Variants in KCNQ1 observed in about 807,000 individuals in gnomAD.
KCNQ1 encodes potassium voltage-gated channel subfamily Q member 1, also known as potassium voltage-gated channel subfamily KQT member 1.
In KCNQ1, 49 loss-of-function variants were observed where a neutral mutation model predicts 72.4. The observed-to-expected ratio is 0.68, with a 90% CI of 0.54 to 0.86. The LOEUF (loss-of-function observed/expected upper bound fraction) is 0.86. Ranked by LOEUF, KCNQ1 falls within the 40% of genes least tolerant of loss-of-function variation. The pLI is 0.00. For synonymous variants in KCNQ1, 450 were observed against 412.6 expected, an observed-to-expected ratio of 1.09 and a Z score of -1.10; for missense variants, 790 against 945.1, an observed-to-expected ratio of 0.84 and a Z score of 2.15.
intron 11 of KCNQ1, among the ~76,000 whole-genome samples, chr11:2,714,672 C>T (rs557884753): frequency 6.6e-5 from 10 of 152,134 alleles, no homozygotes; most frequent in South Asian, 4.1e-4. Flanking sequence ...CACCTGCAAA[C>T]GCCTGGGAGG....
chr11:2,846,595 C>T (rs2134094675), intron 15 of KCNQ1, among the ~76,000 whole-genome samples: 1 of 152,314 alleles, frequency 6.6e-6, no homozygotes, highest in Admixed American at 6.5e-5. Context: ...CCCTCACCTG[C>T]CCTAGTCTGC....
At chr11:2,638,858 A>T (rs1404609111) in intron 10 of KCNQ1, 1 of 152,172 alleles carries the variant, frequency 6.6e-6, no homozygotes, top group African/African-American at 2.4e-5. Flanking sequence ...CACCAGTCAG[A>T]TGTAGATTTG....
chr11:2,665,661 T>A (rs757025036), intron 11 of KCNQ1: 14 of 397,496 alleles, frequency 3.5e-5, no homozygotes, highest in Non-Finnish European at 5.3e-5. Flanking sequence ...CAGTACCAGT[T>A]CCCTAAGCCT....
At chr11:2,805,747 G>A (rs564492364) in intron 15 of KCNQ1, among the ~76,000 whole-genome samples, 35 of 152,328 alleles carry the variant, frequency 2.3e-4, no homozygotes, top group African/African-American at 8.2e-4. Context: ...GAACCTAATT[G>A]TGTGGTCTTC....
chr11:2,761,319 C>A (rs887101198), intron 11 of KCNQ1, among the ~76,000 whole-genome samples: 2 of 152,250 alleles, frequency 1.3e-5, no homozygotes, highest in Admixed American at 6.5e-5. Flanking sequence ...GTGTTCCTCT[C>A]GACCTACCCT....
At chr11:2,518,929 G>A (rs763637604) in intron 1 of KCNQ1, among the ~76,000 whole-genome samples, 21 of 152,202 alleles carry the variant, frequency 1.4e-4, no homozygotes, top group South Asian at 2.1e-4. Context: ...GGAGCTGGAC[G>A]GGGAGGACCA....
intron 1 of KCNQ1, among the ~76,000 whole-genome samples, chr11:2,520,017 G>C (rs1379894577): frequency 6.6e-6 from 1 of 152,266 alleles, no homozygotes; most frequent in African/African-American, 2.4e-5. Flanking sequence ...GCCCGCAGAG[G>C]CTGGAAGGCT....
Position 2,847,981 on chromosome 11 carries a change from G to T in KCNQ1, c.2009G>T (p.Arg670Met). The T allele has an allele frequency of 6.4e-7, 1 of 1,552,026 alleles. No individual in the cohort carries two copies. Among genetic ancestry groups the T allele is most frequent in the East Asian group, 2.4e-5 (1 of 42,002 alleles). ...TACGAGCAGCTGACCGTGCCCAGGA[G>T]GGGCCCCGATGAGGGGTCCTGAGGA... is the stretch of plus-strand genomic sequence containing the variant. ...PTYEQLTVPR[R>M]GPDEGS The change falls in exon 16 of 16, where the codon AGG (arginine) becomes ATG (methionine). Residue 670 changes from arginine to methionine, a missense_variant. Physicochemically the swap from Arg to Met is moderately conservative, Grantham distance 91. Around this residue, in one of 5 missense-constraint regions of KCNQ1, gnomAD observed 94 missense variants for 85.2 expected, o/e 1.10. Coordinates refer to ENST00000155840, the MANE Select transcript of KCNQ1 (RefSeq NM_000218.3).
At chr11:2,505,992 C>T (rs995051645) in intron 1 of KCNQ1, among the ~76,000 whole-genome samples, 1 of 152,064 alleles carries the variant, frequency 6.6e-6, no homozygotes, top group Non-Finnish European at 1.5e-5. Flanking sequence ...TTAATTTGTC[C>T]ACGTGCTTAG....
intron 1 of KCNQ1, among the ~76,000 whole-genome samples, chr11:2,476,795 TC>T (rs1353826515): frequency 6.6e-6 from 1 of 151,980 alleles, no homozygotes; most frequent in Non-Finnish European, 1.5e-5. Flanking sequence ...CAAGCGCTCC[TC>T]CCCCCTCAGC....
chr11:2,670,718 G>C lies in KCNQ1; in HGVS notation c.1514+8637G>C, dbSNP rs1472507661. 5.0e-6 allele frequency: 2 copies of C among 398,682 alleles called. No individual in the cohort carries two copies. The highest frequency in any genetic ancestry group is 8.8e-6 in the Non-Finnish European group (2 of 226,116). 24.7% of individuals were successfully genotyped at this position (398,682 alleles called of 1,614,324 possible). A position where few individuals can be genotyped will look rare whatever the true frequency, so the allele number is the denominator to read the frequency against. ...AGGGATTCTGTGGCCCATGGAGCAG[G>C]AGGGAACAGTCTGCAGATATTATCT... is the stretch of plus-strand genomic sequence containing the variant. On this transcript the variant is annotated intron_variant, in intron 11 of 15. Coordinates refer to ENST00000155840, the MANE Select transcript of KCNQ1 (RefSeq NM_000218.3). The surrounding 1 kb of genome is among the most constrained non-coding windows in gnomAD (Gnocchi z 4.9).
chr11:2,460,401 G>A (rs987903790), intron 1 of KCNQ1, among the ~76,000 whole-genome samples: 2 of 152,254 alleles, frequency 1.3e-5, no homozygotes, highest in African/African-American at 2.4e-5. Flanking sequence ...CAAGCCCCCA[G>A]GTGGCCCTGC....
chr11:2,496,032 G>A (rs1202660043), intron 1 of KCNQ1, among the ~76,000 whole-genome samples: 1 of 152,094 alleles, frequency 6.6e-6, no homozygotes, highest in Admixed American at 6.6e-5. Context: ...TGTATTGGGT[G>A]CATTTATTTA....
At chr11:2,512,446 CCA>C (rs372151136) in intron 1 of KCNQ1, among the ~76,000 whole-genome samples, 4 of 152,310 alleles carry the variant, frequency 2.6e-5, no homozygotes, top group African/African-American at 9.6e-5. Flanking sequence ...ATCCTTGCCC[CCA>C]CACACCCAGA....
intron 1 of KCNQ1, among the ~76,000 whole-genome samples, chr11:2,518,409 C>T (rs1847323072): frequency 6.6e-6 from 1 of 152,156 alleles, no homozygotes; most frequent in Admixed American, 6.5e-5. Context: ...GGGGAGTGGG[C>T]TGCAGTTGGG....
rs1414667070 is a variant in KCNQ1, at chr11:2,674,395, G to A, written c.1514+12314G>A. ...TCCTGCTTAGGGAAGGTGCATGCGT[G>A]CGTGTGTGTGTGCGCGCCCGCGCGC... On this transcript the variant is annotated intron_variant, in intron 11 of 15. Coordinates refer to ENST00000155840, the MANE Select transcript of KCNQ1 (RefSeq NM_000218.3). This position sits in a 1 kb window ranked among gnomAD's most constrained non-coding sequence, Gnocchi z 5.9. 1 of 398,498 alleles carries A rather than the reference G, an allele frequency of 2.5e-6. No individual in the cohort carries two copies. Among genetic ancestry groups the A allele is most frequent in the African/African-American group, 2.1e-5 (1 of 48,618 alleles). The allele number at this position is 398,498 out of a possible 1,614,324, so 24.7% of individuals were successfully genotyped here.
intron 2 of KCNQ1, 123 bp from the exon 3 acceptor site, chr11:2,570,505 C>T (rs993957773): frequency 6.7e-6 from 9 of 1,341,718 alleles, no homozygotes; most frequent in Non-Finnish European, 9.3e-6. Context: ...GGACCCGGGC[C>T]TGCTGTTCTC....
Position 2,659,742 on chromosome 11 carries a change from C to T in KCNQ1, c.1394-2219C>T, listed in dbSNP as rs1232624464. The T allele has an allele frequency of 1.0e-5, 4 of 398,346 alleles. No individual in the cohort carries two copies. Among genetic ancestry groups the T allele is most frequent in the Non-Finnish European group, 1.8e-5 (4 of 226,018 alleles). 24.7% of individuals were successfully genotyped at this position (398,346 alleles called of 1,614,324 possible). A position where few individuals can be genotyped will look rare whatever the true frequency, so the allele number is the denominator to read the frequency against. On this transcript the variant is annotated intron_variant, in intron 10 of 15. Coordinates refer to ENST00000155840, the MANE Select transcript of KCNQ1 (RefSeq NM_000218.3). This position sits in a 1 kb window ranked among gnomAD's most constrained non-coding sequence, Gnocchi z 4.3. ...ACATATGAGAGTTCTACATGTTCCA[C>T]ATCCTCAAGAGTGGTTGGTATTGTC...
In KCNQ1 at chr11:2,550,654, G is replaced by C. The variant is rs1003811322; in HGVS notation, c.478-19974G>C. Among the ~76,000 whole-genome samples, 2 of 152,184 alleles carry C rather than the reference G, an allele frequency of 1.3e-5. No homozygotes were observed. Among genetic ancestry groups the C allele is most frequent in the Non-Finnish European group, 2.9e-5 (2 of 68,024 alleles). ...GGTGAATGAAGGGTGCTGGGGTGGCGAGTTGAGGGCCAACAGAGATGGTGT... is the reference window on the plus strand; with the variant it reads ...GGTGAATGAAGGGTGCTGGGGTGGCCAGTTGAGGGCCAACAGAGATGGTGT... On this transcript the variant is annotated intron_variant, in intron 2 of 15. Coordinates refer to ENST00000155840, the MANE Select transcript of KCNQ1 (RefSeq NM_000218.3). The surrounding 1 kb of genome is among the most constrained non-coding windows in gnomAD (Gnocchi z 6.0).
Sources: allele counts gnomAD v4.1 joint callset (sites outside exome capture counted in the v4.1 genomes callset), GRCh38; gene constraint gnomAD v4.1.1; regional missense constraint gnomAD v4.1.1; non-coding constraint Gnocchi (gnomAD v3.1); transcripts MANE v1.5; gene names NCBI Gene and HGNC (gene_info 2026-07-23, HGNC 2026-07-21).